ANKS1B: variants seen among roughly 807,000 people sequenced by gnomAD.
ANKS1B encodes ankyrin repeat and sterile alpha motif domain containing 1B.
A neutral mutation model predicts 148.3 loss-of-function variants in ANKS1B; 36 were observed. The ratio of observed to expected loss-of-function variants is 0.24; its 90% CI spans 0.19 to 0.32. The LOEUF (loss-of-function observed/expected upper bound fraction) is 0.32, where lower values mean the gene tolerates loss of function less well. Ranked by LOEUF, ANKS1B falls within the 10% of genes least tolerant of loss-of-function variation. ANKS1B has a pLI of 1.00. For synonymous variants in ANKS1B, 542 were observed against 560.8 expected (o/e 0.97, Z 0.47); for missense variants, 1,157 against 1,542.6 (o/e 0.75, Z 4.19).
chr12:99,398,413 T>A (rs887071396), intron 12 of ANKS1B, among the ~76,000 whole-genome samples: 2 of 152,144 alleles, frequency 1.3e-5, no homozygotes, highest in Non-Finnish European at 2.9e-5. Flanking sequence ...AATACTCACA[T>A]AGACCACACT....
chr12:99,768,183 T>C (rs546087535), intron 8 of ANKS1B, among the ~76,000 whole-genome samples: 11 of 152,338 alleles, frequency 7.2e-5, no homozygotes, highest in Admixed American at 3.9e-4. Flanking sequence ...GAATTACTTG[T>C]CATATCACAA....
chr12:98,970,188 T>C (rs1373359182), intron 17 of ANKS1B, among the ~76,000 whole-genome samples: 1 of 152,244 alleles, frequency 6.6e-6, no homozygotes, highest in African/African-American at 2.4e-5. Context: ...AGTTCCATCA[T>C]TTTTTCTTTA....
intron 15 of ANKS1B, among the ~76,000 whole-genome samples, chr12:99,122,751 T>C (rs1273914870): frequency 6.6e-6 from 1 of 152,102 alleles, no homozygotes; most frequent in Non-Finnish European, 1.5e-5. Flanking sequence ...TCTGCATTCT[T>C]ACATCTTTTA....
intron 14 of ANKS1B, among the ~76,000 whole-genome samples, chr12:99,229,999 G>C (rs796328392): frequency 8.3e-5 from 11 of 133,172 alleles, no homozygotes; most frequent in African/African-American, 3.0e-4. Flanking sequence ...GAAAATAATA[G>C]ATGGAAAAGA....
intron 15 of ANKS1B, among the ~76,000 whole-genome samples, chr12:99,128,749 C>A (rs1399882830): frequency 6.6e-6 from 1 of 152,148 alleles, no homozygotes; most frequent in African/African-American, 2.4e-5. Context: ...CCAATCCTGT[C>A]ACTGTTTGTG....
intron 8 of ANKS1B, among the ~76,000 whole-genome samples, chr12:99,715,110 C>A (rs1197870062): frequency 6.6e-6 from 1 of 151,754 alleles, no homozygotes; most frequent in Non-Finnish European, 1.5e-5. Flanking sequence ...GACTAGGCAA[C>A]AGAGCAAGAG....
chr12:99,365,743 G>A (rs1194721922), intron 12 of ANKS1B, among the ~76,000 whole-genome samples: 4 of 152,066 alleles, frequency 2.6e-5, no homozygotes, highest in African/African-American at 7.2e-5. Flanking sequence ...GCAACTTAGC[G>A]GGCAAGACCA....
At chr12:99,744,067 A>G (rs1311962372) in intron 8 of ANKS1B, among the ~76,000 whole-genome samples, 1 of 152,208 alleles carries the variant, frequency 6.6e-6, no homozygotes, top group African/African-American at 2.4e-5. Context: ...GAACTTGAGC[A>G]TCCATGGATT....
At chr12:99,563,694 T>C (rs1447311928) in intron 9 of ANKS1B, among the ~76,000 whole-genome samples, 2 of 152,170 alleles carry the variant, frequency 1.3e-5, no homozygotes, top group African/African-American at 4.8e-5. Context: ...GTTGGAAATA[T>C]GTCACCAATA....
intron 8 of ANKS1B, among the ~76,000 whole-genome samples, chr12:99,744,115 G>A (rs761826997): frequency 3.9e-5 from 6 of 152,138 alleles, no homozygotes; most frequent in Non-Finnish European, 8.8e-5. Context: ...ACCCCCTGCA[G>A]ATACTGAAAG....
At chr12:98,886,328 C>T (rs908588036) in intron 17 of ANKS1B, among the ~76,000 whole-genome samples, 2 of 152,166 alleles carry the variant, frequency 1.3e-5, no homozygotes, top group Admixed American at 1.3e-4. Context: ...AGAGTAGACA[C>T]TTCTGATAGT....
At chr12:99,253,571 G>A (rs1039712487) in intron 12 of ANKS1B, among the ~76,000 whole-genome samples, 13 of 152,114 alleles carry the variant, frequency 8.5e-5, no homozygotes, top group African/African-American at 3.1e-4. Flanking sequence ...GATTTAGATA[G>A]AGGGCAATTT....
At chr12:99,435,274 A>C (rs1171528454) in intron 11 of ANKS1B, among the ~76,000 whole-genome samples, 2 of 152,064 alleles carry the variant, frequency 1.3e-5, no homozygotes, top group Non-Finnish European at 2.9e-5. Flanking sequence ...CCCAAATTCC[A>C]GGAGTTTATA....
intron 9 of ANKS1B, among the ~76,000 whole-genome samples, chr12:99,632,763 A>T (rs1362594688): frequency 0.02 from 1,576 of 79,700 alleles, 85 homozygotes; most frequent in African/African-American, 0.074. Context: ...ATATATATAT[A>T]TATATTTTAA....
At chr12:98,759,056 T>C (rs1432851752) in intron 25 of ANKS1B, among the ~76,000 whole-genome samples, 1 of 151,824 alleles carries the variant, frequency 6.6e-6, no homozygotes, top group Non-Finnish European at 1.5e-5. Context: ...GCTAGAATTA[T>C]AGGCATGAAC....
At chr12:99,789,820 A>T (rs2065429346) in intron 4 of ANKS1B, among the ~76,000 whole-genome samples, 1 of 152,166 alleles carries the variant, frequency 6.6e-6, no homozygotes, top group African/African-American at 2.4e-5. Context: ...GAGAAGACAA[A>T]ATAAAAAAAG....
At chr12:99,205,267 A>G (rs530302316) in intron 14 of ANKS1B, among the ~76,000 whole-genome samples, 1 of 152,302 alleles carries the variant, frequency 6.6e-6, no homozygotes, top group Admixed American at 6.5e-5. Flanking sequence ...CATTTAAACA[A>G]TCAGTCTGCT....
At chr12:99,831,526 A>C (rs1372268892) in intron 1 of ANKS1B, among the ~76,000 whole-genome samples, 1 of 152,210 alleles carries the variant, frequency 6.6e-6, no homozygotes, top group Non-Finnish European at 1.5e-5. Context: ...GGGTAGTAAA[A>C]ATTATGGATT....
intron 26 of ANKS1B, among the ~76,000 whole-genome samples, chr12:98,747,305 T>G (rs1284740053): frequency 6.6e-6 from 1 of 152,186 alleles, no homozygotes; most frequent in Non-Finnish European, 1.5e-5. Flanking sequence ...AACAGGCATT[T>G]CTAAAAAGAC....
Sources: gnomAD v4.1 joint callset for allele counts (sites outside exome capture counted in the v4.1 genomes callset) on GRCh38, gnomAD v4.1.1 for gene constraint, MANE v1.5 for transcripts, NCBI Gene and HGNC (gene_info 2026-07-23, HGNC 2026-07-21) for gene names.